Variants in FAS observed in about 807,000 individuals in gnomAD.
FAS encodes the protein Fas cell surface death receptor, also known as tumor necrosis factor receptor superfamily member 6.
FAS carries 5 observed loss-of-function variants against 33.2 expected under a neutral mutation model. That is an observed-to-expected ratio of 0.15 (90% CI 0.08 to 0.32). The LOEUF (loss-of-function observed/expected upper bound fraction) is 0.32. Ranked by LOEUF, FAS falls within the 10% of genes least tolerant of loss-of-function variation. The pLI is 1.00. For synonymous variants in FAS, 131 were observed against 130.7 expected (o/e 1.00, Z -0.01); for missense variants, 339 against 386.0 (o/e 0.88, Z 1.02).
intron 1 of FAS, among the ~76,000 whole-genome samples, chr10:88,965,364 C>T (rs1431497801): frequency 6.6e-6 from 1 of 152,122 alleles, no homozygotes; most frequent in African/African-American, 2.4e-5. Flanking sequence ...CTGCAATGAC[C>T]ATCTCAGACG....
upstream of FAS, among the ~76,000 whole-genome samples, chr10:88,986,005 C>A (rs1180888883): frequency 2.0e-5 from 3 of 152,042 alleles, no homozygotes; most frequent in African/African-American, 7.3e-5. Flanking sequence ...TGCTGATTTT[C>A]CATTTATGGT....
chr10:88,989,338 T>C (rs191805829), upstream of FAS: 44 of 325,492 alleles, frequency 1.4e-4, 1 homozygote, highest in Admixed American at 1.3e-3. Flanking sequence ...TCCTTCCTTC[T>C]TTTTACATTT....
Position 89,002,758 on chromosome 10 carries a change from G to A in FAS, c.31-271G>A, listed in dbSNP as rs1343702698. On this transcript the variant is annotated intron_variant, in intron 1 of 8. Coordinates refer to ENST00000652046, the MANE Select transcript of FAS (RefSeq NM_000043.6). ...AAGTGATTTTACCCACAAACACAGGGCAGTAAGTGGGAGGCCCTGTTCACC... is the reference window on the plus strand; with the variant it reads ...AAGTGATTTTACCCACAAACACAGGACAGTAAGTGGGAGGCCCTGTTCACC... The A allele has an allele frequency of 2.2e-5, 10 of 450,106 alleles. No individual in the cohort carries two copies. In the Admixed American group the frequency reaches 2.7e-4, roughly 12 times the overall value. The allele number at this position is 450,106 out of a possible 1,614,324, so 27.9% of individuals were successfully genotyped here.
rs969476730 is a variant in FAS at position 89,014,588 on chromosome 10, G to A, written c.*138G>A. The A allele has an allele frequency of 1.2e-6, 1 of 868,446 alleles. No homozygotes were observed. Among genetic ancestry groups the A allele is most frequent in the Admixed American group, 2.0e-5 (1 of 50,186 alleles). 53.8% of individuals were successfully genotyped at this position (868,446 alleles called of 1,614,324 possible). A position where few individuals can be genotyped will look rare whatever the true frequency, so the allele number is the denominator to read the frequency against. ...TTAGCGCTGAAGAGCCAACATATTTGTAGATTTTTAATATCTCATGATTCT... is the reference window on the plus strand; with the variant it reads ...TTAGCGCTGAAGAGCCAACATATTTATAGATTTTTAATATCTCATGATTCT... On this transcript the variant is annotated 3_prime_UTR_variant, in exon 9 of 9. Coordinates refer to ENST00000652046, the MANE Select transcript of FAS (RefSeq NM_000043.6).
chr10:89,015,789 C>A lies in FAS; in HGVS notation c.*1339C>A. 1 of 467,752 alleles carries A rather than the reference C, an allele frequency of 2.1e-6. No individual in the cohort carries two copies. The highest frequency in any genetic ancestry group is 2.0e-5 in the South Asian group (1 of 51,126). 29.0% of individuals were successfully genotyped at this position (467,752 alleles called of 1,614,324 possible). A position where few individuals can be genotyped will look rare whatever the true frequency, so the allele number is the denominator to read the frequency against. On this transcript the variant is annotated 3_prime_UTR_variant, in exon 9 of 9. Coordinates refer to ENST00000652046, the MANE Select transcript of FAS (RefSeq NM_000043.6). ...TAATTAAATAATGTTTTTGGTATTT[C>A]TGGTTTTCTCTTTTTTGGTAGGGGC... is the stretch of plus-strand genomic sequence containing the variant.
intron 8 of FAS, 54 bp downstream of exon 8, chr10:89,013,421 C>A: frequency 2.0e-6 from 3 of 1,497,972 alleles, no homozygotes; most frequent in South Asian, 1.2e-5. Context: ...GAGTAATAGG[C>A]CAATTTCAGA....
At chr10:89,003,551 A>C (rs1394847282) in intron 2 of FAS, among the ~76,000 whole-genome samples, 1 of 152,210 alleles carries the variant, frequency 6.6e-6, no homozygotes, top group Non-Finnish European at 1.5e-5. Context: ...CTCTGAAAGC[A>C]AGAGACTTCT....
chr10:88,989,730 T>C (rs1238309987), upstream of FAS, among the ~76,000 whole-genome samples: 1 of 152,184 alleles, frequency 6.6e-6, no homozygotes, highest in East Asian at 1.9e-4. Context: ...CAAAGGGTTA[T>C]TAATGTGTTA....
chr10:88,989,753 A>C (rs1847054936), upstream of FAS, among the ~76,000 whole-genome samples: 1 of 152,228 alleles, frequency 6.6e-6, no homozygotes, highest in African/African-American at 2.4e-5. Flanking sequence ...AATGGGTTGA[A>C]TCTAATTGGG....
chr10:89,000,795 C>T (rs534412674), intron 1 of FAS, among the ~76,000 whole-genome samples: 16 of 152,296 alleles, frequency 1.1e-4, no homozygotes, highest in African/African-American at 3.9e-4. Flanking sequence ...GCCTGTAATC[C>T]CAGCACTTTG....
rs1848684983 is a variant in FAS at position 89,014,354 on chromosome 10, T to C, written c.912T>C (p.Cys304=). 1.2e-6 allele frequency: 2 copies of C among 1,613,708 alleles called. No homozygotes were observed. Among genetic ancestry groups the C allele is most frequent in the African/African-American group, 2.7e-5 (2 of 74,922 alleles). ...AAGATCTCAAAAAAGCCAATCTTTG[T>C]ACTCTTGCAGAGAAAATTCAGACTA... ...LIKDLKKANL[C]TLAEKIQTII... The change falls in exon 9 of 9, where the codon TGT becomes TGC. Residue 304 remains cysteine (C), a synonymous_variant. Transcript: ENST00000652046.
At chr10:88,989,109 T>C (rs572856384), upstream of FAS, among the ~76,000 whole-genome samples, 1 of 152,330 alleles carries the variant, frequency 6.6e-6, no homozygotes, top group East Asian at 1.9e-4. Flanking sequence ...CTTTTTTGGC[T>C]ACATTTTTTT....
At chr10:89,006,922 A>C (rs1848259557) in intron 2 of FAS, among the ~76,000 whole-genome samples, 1 of 152,208 alleles carries the variant, frequency 6.6e-6, no homozygotes, top group Non-Finnish European at 1.5e-5. Context: ...ATATTATTTA[A>C]AATTGTTTGT....
In FAS at chr10:88,976,552, C is replaced by A. The variant is rs1385063606; in HGVS notation, n.260+3205C>A. Among the ~76,000 whole-genome samples, 4 of 152,098 alleles carry A rather than the reference C, an allele frequency of 2.6e-5. No individual in the cohort carries two copies. The South Asian group carries it at 8.3e-4, about 32-fold the overall frequency. On this transcript the variant is annotated intron_variant and non_coding_transcript_variant, in intron 2 of 3. Coordinates refer to the FAS transcript ENST00000688239. ...GTTTTGACCCTAAAATTTTGTAGTT[C>A]TATAGCAAAAACCCACTTCCTTTCC...
intron 2 of FAS, chr10:88,973,360 T>C (rs1246607127): frequency 8.2e-6 from 12 of 1,466,394 alleles, no homozygotes; most frequent in Non-Finnish European, 1.1e-5. Flanking sequence ...AATCCAAGAA[T>C]TGCCAGGCGA....
chr10:88,999,488 A>G (rs567068071), intron 1 of FAS, among the ~76,000 whole-genome samples: 1 of 152,354 alleles, frequency 6.6e-6, no homozygotes, highest in East Asian at 1.9e-4. Context: ...CTTGTATAAT[A>G]AAGTGCACTT....
upstream of FAS, among the ~76,000 whole-genome samples, chr10:88,985,576 C>A (rs755342215): frequency 1.3e-5 from 2 of 152,212 alleles, no homozygotes; most frequent in Non-Finnish European, 2.9e-5. Context: ...CCCTGCCCAT[C>A]CATTATCTCC....
At chr10:88,994,057 A>G (rs963904764) in intron 1 of FAS, among the ~76,000 whole-genome samples, 1 of 152,224 alleles carries the variant, frequency 6.6e-6, no homozygotes, top group Non-Finnish European at 1.5e-5. Context: ...TTAGCAGCAA[A>G]TTAGAGGCAA....
At chr10:88,968,710 C>G (rs1484901184) in intron 1 of FAS, among the ~76,000 whole-genome samples, 1 of 152,160 alleles carries the variant, frequency 6.6e-6, no homozygotes, top group African/African-American at 2.4e-5. Flanking sequence ...CTCCTTAATT[C>G]TCACTGGCTG....
Sources: gnomAD v4.1 joint callset for allele counts (sites outside exome capture counted in the v4.1 genomes callset) on GRCh38, gnomAD v4.1.1 for gene constraint, MANE v1.5 for transcripts, NCBI Gene and HGNC (gene_info 2026-07-23, HGNC 2026-07-21) for gene names.